SPTLC3: variants seen among roughly 807,000 people sequenced by gnomAD.
The protein encoded by SPTLC3 is serine palmitoyltransferase long chain base subunit 3.
In SPTLC3, 36 loss-of-function variants were observed where a neutral mutation model predicts 59.3. The ratio of observed to expected loss-of-function variants is 0.61; its 90% CI spans 0.47 to 0.80. The LOEUF is 0.80. Among genes scored for constraint, SPTLC3 ranks in the 30% least tolerant of loss-of-function variants. The pLI is 0.00. For synonymous variants in SPTLC3, 257 were observed against 240.8 expected (o/e 1.07, Z -0.62); for missense variants, 625 against 685.1 (o/e 0.91, Z 0.98).
chr20:13,151,366 C>G (rs909540273), intron 9 of SPTLC3, among the ~76,000 whole-genome samples: 4 of 152,172 alleles, frequency 2.6e-5, no homozygotes, highest in Non-Finnish European at 5.9e-5. Context: ...CTTGCTAACA[C>G]CCAAGTGGAC....
intron 5 of SPTLC3, 62 bp from the exon 6 acceptor site, chr20:13,093,422 C>T: frequency 6.8e-7 from 1 of 1,471,866 alleles, no homozygotes; most frequent in African/African-American, 1.4e-5. Flanking sequence ...CCTGTCCCCA[C>T]AAGTTGTTTT....
intron 9 of SPTLC3, among the ~76,000 whole-genome samples, chr20:13,144,856 GCTCCGC>G (rs2038471992): frequency 1.3e-5 from 2 of 152,094 alleles, no homozygotes; most frequent in African/African-American, 2.4e-5. Context: ...CTCACTGCAA[GCTCCGC>G]CTCCCAGGTT....
intron 9 of SPTLC3, 133 bp from the exon 10 acceptor site, chr20:13,153,870 C>T: frequency 8.4e-7 from 1 of 1,190,878 alleles, no homozygotes; most frequent in Non-Finnish European, 1.2e-6. Flanking sequence ...GAGATATCTC[C>T]CTTCCCTACT....
At chr20:13,091,345 C>A in intron 5 of SPTLC3, 138 bp downstream of exon 5, 8 of 1,055,990 alleles carry the variant, frequency 7.6e-6, no homozygotes, top group Non-Finnish European at 1.1e-5. Flanking sequence ...GAGCCCAAGG[C>A]GGGCGGATCA....
intron 7 of SPTLC3, among the ~76,000 whole-genome samples, chr20:13,116,814 C>A (rs1990583129): frequency 6.6e-6 from 1 of 152,144 alleles, no homozygotes; most frequent in South Asian, 2.1e-4. Context: ...CTCAGCCCAC[C>A]CAATACCGAC....
intron 9 of SPTLC3, among the ~76,000 whole-genome samples, chr20:13,153,781 C>G (rs868659405): frequency 1.7e-4 from 26 of 152,154 alleles, no homozygotes; most frequent in Admixed American, 1.6e-3. Context: ...TGCAGCACCT[C>G]GTAGAACCCT....
At chr20:13,124,340 AG>A (rs1652384969) in intron 8 of SPTLC3, among the ~76,000 whole-genome samples, 1 of 151,932 alleles carries the variant, frequency 6.6e-6, no homozygotes, top group Non-Finnish European at 1.5e-5. Flanking sequence ...AGAGGAAAGA[AG>A]GAAGGAAGGG....
At chr20:13,116,334 T>TGAC (rs1489960794) in intron 7 of SPTLC3, among the ~76,000 whole-genome samples, 2 of 152,254 alleles carry the variant, frequency 1.3e-5, no homozygotes, top group African/African-American at 4.8e-5. Flanking sequence ...TTGAATTGTT[T>TGAC]GACAAGTTCC....
chr20:13,070,584 C>T (rs1418440308), intron 2 of SPTLC3, among the ~76,000 whole-genome samples: 5 of 152,224 alleles, frequency 3.3e-5, no homozygotes, highest in East Asian at 1.9e-4. Flanking sequence ...AAAGCATAGG[C>T]GGGAGAATGA....
chr20:13,112,379 G>A (rs1358416949), intron 7 of SPTLC3, among the ~76,000 whole-genome samples: 6 of 152,102 alleles, frequency 3.9e-5, no homozygotes, highest in Non-Finnish European at 4.4e-5. Flanking sequence ...CCCTTACAAC[G>A]TGGTGCTGGC....
chr20:13,092,034 G>C (rs1443753987), intron 5 of SPTLC3, among the ~76,000 whole-genome samples: 3 of 152,124 alleles, frequency 2.0e-5, no homozygotes, highest in East Asian at 1.9e-4. Flanking sequence ...CATAGAAAAG[G>C]CATGCCCATA....
chr20:13,021,414 T>C (rs374280161), intron 1 of SPTLC3, among the ~76,000 whole-genome samples: 9 of 152,158 alleles, frequency 5.9e-5, no homozygotes, highest in African/African-American at 1.9e-4. Flanking sequence ...TTCCCTGCTT[T>C]CAAGGCCAGA....
At chr20:13,160,795 A>T (rs995952079) in intron 11 of SPTLC3, among the ~76,000 whole-genome samples, 1 of 152,238 alleles carries the variant, frequency 6.6e-6, no homozygotes, top group East Asian at 1.9e-4. Flanking sequence ...CAACACATAT[A>T]ATACCAGACA....
At chr20:13,054,249 C>A (rs1286122415) in intron 2 of SPTLC3, among the ~76,000 whole-genome samples, 1 of 152,100 alleles carries the variant, frequency 6.6e-6, no homozygotes, top group Non-Finnish European at 1.5e-5. Flanking sequence ...GAGAGGCAAG[C>A]AGGGGCCAGA....
chr20:13,047,116 C>T (rs567944041), intron 1 of SPTLC3, among the ~76,000 whole-genome samples: 28 of 152,260 alleles, frequency 1.8e-4, no homozygotes, highest in African/African-American at 6.0e-4. Flanking sequence ...TATAAAAAGG[C>T]TTTTAAAATT....
intron 2 of SPTLC3, among the ~76,000 whole-genome samples, chr20:13,052,192 T>C (rs984197049): frequency 6.6e-6 from 1 of 152,124 alleles, no homozygotes; most frequent in Non-Finnish European, 1.5e-5. Context: ...TCACTGGGAC[T>C]GGTTAGACGG....
At chr20:13,118,228 G>A (rs555244177) in intron 8 of SPTLC3, among the ~76,000 whole-genome samples, 2 of 152,162 alleles carry the variant, frequency 1.3e-5, no homozygotes, top group African/African-American at 4.8e-5. Flanking sequence ...ACAAGTTGTG[G>A]GTTTTAAGAG....
At chr20:13,076,512 A>G (rs1366938359) in intron 4 of SPTLC3, among the ~76,000 whole-genome samples, 1 of 146,346 alleles carries the variant, frequency 6.8e-6, no homozygotes, top group Admixed American at 6.7e-5. Context: ...ATAGTTTTCA[A>G]TGTTCCAGGG....
intron 8 of SPTLC3, among the ~76,000 whole-genome samples, chr20:13,121,582 C>G (rs926114379): frequency 6.6e-6 from 1 of 152,170 alleles, no homozygotes. Flanking sequence ...GAGGAGACCT[C>G]TAACCCACCC....
Sources: allele counts gnomAD v4.1 joint callset (sites outside exome capture counted in the v4.1 genomes callset), GRCh38; gene constraint gnomAD v4.1.1; transcripts MANE v1.5; gene names NCBI Gene and HGNC (gene_info 2026-07-23, HGNC 2026-07-21).